The following PGPEP1 variants were observed in gnomAD, a reference collection of about 807,000 sequenced individuals.
The protein encoded by PGPEP1 is pyroglutamyl-peptidase 1.
A neutral mutation model predicts 24.1 loss-of-function variants in PGPEP1; 15 were observed. The ratio of observed to expected loss-of-function variants is 0.62; its 90% CI spans 0.42 to 0.96. The LOEUF is 0.96. Among genes scored for constraint, PGPEP1 ranks in the 40% least tolerant of loss-of-function variants. The probability of loss-of-function intolerance (pLI) is 0.00; values close to 1 mark genes in which losing one functional copy is unlikely to be tolerated. For missense variants in PGPEP1, 242 were observed against 273.4 expected, an observed-to-expected ratio of 0.89 and a Z score of 0.81; for synonymous variants, 122 against 116.4, an observed-to-expected ratio of 1.05 and a Z score of -0.31.
At chr19:18,358,253 CTTTTTTT>C (rs58979840) in intron 4 of PGPEP1, among the ~76,000 whole-genome samples, 1 of 64,482 alleles carries the variant, frequency 1.6e-5, no homozygotes. Flanking sequence ...TCCAGTATGA[CTTTTTTT>C]TTTTTTTTTT....
At chr19:18,352,456 A>G (rs530848332) in intron 2 of PGPEP1, among the ~76,000 whole-genome samples, 20 of 151,666 alleles carry the variant, frequency 1.3e-4, no homozygotes, top group African/African-American at 4.8e-4. Flanking sequence ...AGAAAGAAAC[A>G]GGTCTACATG....
intron 4 of PGPEP1, among the ~76,000 whole-genome samples, chr19:18,358,296 TG>T (rs1971248693): frequency 6.7e-6 from 1 of 148,944 alleles, no homozygotes; most frequent in Admixed American, 6.8e-5. Flanking sequence ...GTTTTGCTCT[TG>T]TTGCCCAGCC....
intron 4 of PGPEP1, among the ~76,000 whole-genome samples, chr19:18,361,163 G>T (rs1207325968): frequency 6.6e-6 from 1 of 150,432 alleles, no homozygotes. Context: ...AAAGACAAGA[G>T]TTTCGCTCTT....
At chr19:18,356,605 A>C (rs1949033392) in intron 3 of PGPEP1, among the ~76,000 whole-genome samples, 1 of 150,822 alleles carries the variant, frequency 6.6e-6, no homozygotes, top group South Asian at 2.1e-4. Context: ...AAAATTAGGC[A>C]TGATGGTACA....
rs1313841679 is a variant in PGPEP1, at chr19:18,340,630, C to G, written c.-52C>G. On this transcript the variant is annotated 5_prime_UTR_variant, in exon 1 of 5. Coordinates refer to ENST00000269919, the MANE Select transcript of PGPEP1 (RefSeq NM_017712.4). ...GGCCGAGAGGCTGCAGCGGCAGCAG[C>G]TGTCGCGCCAGTCGCAACAGAAGCA... 6.7e-7 allele frequency: 1 copy of G among 1,493,962 alleles called. No homozygotes were observed. The highest frequency in any genetic ancestry group is 8.9e-7 in the Non-Finnish European group (1 of 1,121,216). The allele number at this position is 1,493,962 out of a possible 1,614,324, so 92.5% of individuals were successfully genotyped here.
intron 2 of PGPEP1, among the ~76,000 whole-genome samples, chr19:18,353,392 G>A (rs750669877): frequency 1.6e-4 from 25 of 151,798 alleles, no homozygotes; most frequent in Non-Finnish European, 3.5e-4. Flanking sequence ...CAGCTAATTT[G>A]TATTTTCGAG....
rs966313716 is a variant in PGPEP1 at position 18,364,645 on chromosome 19, G to A, written c.*1062G>A. ...ATTGGACTTAAGATGGCATGTCTTT[G>A]TTTTAGGGCCAAAAATGAGGCCCCC... On this transcript the variant is annotated 3_prime_UTR_variant, in exon 5 of 5. Transcript: ENST00000269919. 6.6e-6 allele frequency: 1 copy of A among 152,060 alleles called. No individual in the cohort carries two copies. Among genetic ancestry groups the A allele is most frequent in the Non-Finnish European group, 1.5e-5 (1 of 68,028 alleles). 9.4% of individuals were successfully genotyped at this position (152,060 alleles called of 1,614,324 possible). A position where few individuals can be genotyped will look rare whatever the true frequency, so the allele number is the denominator to read the frequency against.
Position 18,356,023 on chromosome 19 carries a change from CAAGGG to C in PGPEP1, c.204+13_204+17del. On this transcript the variant is annotated intron_variant, in intron 3 of 4. Transcript: ENST00000269919. Reference sequence around the variant, plus strand: ...AGCACAGTCCACAGGTGAGTGGTGCCAAGGGGCGGCACTTCCTCATCAGGACTTAC... The same window carrying C: ...AGCACAGTCCACAGGTGAGTGGTGCCGCGGCACTTCCTCATCAGGACTTAC... 6.6e-7 allele frequency: 1 copy of C among 1,513,110 alleles called. No homozygotes were observed. Among genetic ancestry groups the C allele is most frequent in the Non-Finnish European group, 9.2e-7 (1 of 1,088,172 alleles). The allele number at this position is 1,513,110 out of a possible 1,614,324, so 93.7% of individuals were successfully genotyped here. A position where few individuals can be genotyped will look rare whatever the true frequency, so the allele number is the denominator to read the frequency against.
At chr19:18,342,685 C>T (rs978753066) in intron 1 of PGPEP1, among the ~76,000 whole-genome samples, 174 bp from the exon 2 acceptor site, 2 of 152,218 alleles carry the variant, frequency 1.3e-5, no homozygotes, top group African/African-American at 4.8e-5. Flanking sequence ...AGGACGGCGG[C>T]TCTGACGGGC....
At chr19:18,342,958 C>T (rs1970717680) in intron 2 of PGPEP1, 47 bp downstream of exon 2, 4 of 1,460,396 alleles carry the variant, frequency 2.7e-6, no homozygotes, top group South Asian at 2.3e-5. Flanking sequence ...GCTGGGCACA[C>T]CCCAGAAAGT....
intron 4 of PGPEP1, among the ~76,000 whole-genome samples, chr19:18,358,253 C>CTTTTTT (rs58979840): frequency 2.2e-4 from 14 of 64,484 alleles, no homozygotes; most frequent in East Asian, 9.1e-4. Context: ...TCCAGTATGA[C>CTTTTTT]TTTTTTTTTT....
chr19:18,344,560 A>G (rs1343343237), intron 2 of PGPEP1, among the ~76,000 whole-genome samples: 1 of 142,784 alleles, frequency 7.0e-6, no homozygotes, highest in African/African-American at 2.6e-5. Context: ...CTCATCCCCA[A>G]CTTCAGACCT....
chr19:18,344,257 G>A (rs1364760229), intron 2 of PGPEP1, among the ~76,000 whole-genome samples: 1 of 152,044 alleles, frequency 6.6e-6, no homozygotes, highest in African/African-American at 2.4e-5. Flanking sequence ...GTCATTCCTG[G>A]TGCCCTGAAG....
Position 18,356,056 on chromosome 19 carries a change from G to A in PGPEP1, c.204+45G>A, listed in dbSNP as rs370065353. 2.5e-6 allele frequency: 3 copies of A among 1,202,386 alleles called. No individual in the cohort carries two copies. The Admixed American group carries it at 5.1e-5, about 20-fold the overall frequency. 74.5% of individuals were successfully genotyped at this position (1,202,386 alleles called of 1,614,324 possible). On this transcript the variant is annotated intron_variant, in intron 3 of 4. Coordinates refer to ENST00000269919, the MANE Select transcript of PGPEP1 (RefSeq NM_017712.4). ...GGCACTTCCTCATCAGGACTTACAG[G>A]TTGGCACCCTTCATGTGGAGGACTT...
intron 1 of PGPEP1, among the ~76,000 whole-genome samples, chr19:18,342,081 G>A (rs1271004027): frequency 1.3e-5 from 2 of 152,054 alleles, no homozygotes; most frequent in Non-Finnish European, 2.9e-5. Context: ...TTAATTTTTT[G>A]TATTTTTAGT....
chr19:18,357,237 C>A (rs1207710444), intron 3 of PGPEP1, 146 bp from the exon 4 acceptor site: 4 of 617,114 alleles, frequency 6.5e-6, no homozygotes, highest in Non-Finnish European at 8.6e-6. Context: ...AGAGTGACTG[C>A]AGGGTCTATT....
intron 2 of PGPEP1, among the ~76,000 whole-genome samples, chr19:18,346,075 A>G (rs890991581): frequency 6.6e-6 from 1 of 151,404 alleles, no homozygotes; most frequent in Non-Finnish European, 1.5e-5. Context: ...CGCATTCTTC[A>G]CAGAAGCCCC....
At chr19:18,342,609 T>G (rs1212161968) in intron 1 of PGPEP1, among the ~76,000 whole-genome samples, 1 of 152,176 alleles carries the variant, frequency 6.6e-6, no homozygotes, top group Non-Finnish European at 1.5e-5. Context: ...GGCCCCTGGC[T>G]GAGCATGAGG....
chr19:18,346,603 CCTT>C (rs1970851244), intron 2 of PGPEP1, among the ~76,000 whole-genome samples: 1 of 149,808 alleles, frequency 6.7e-6, no homozygotes, highest in African/African-American at 2.5e-5. Flanking sequence ...GTCACTTTCA[CCTT>C]CTCTATCTGT....
Sources: gnomAD v4.1 joint callset for allele counts (sites outside exome capture counted in the v4.1 genomes callset) on GRCh38, gnomAD v4.1.1 for gene constraint, MANE v1.5 for transcripts, NCBI Gene and HGNC (gene_info 2026-07-23, HGNC 2026-07-21) for gene names.